Variants in MEI4 observed in about 807,000 individuals in gnomAD.
MEI4 encodes the protein meiosis-specific protein MEI4.
Under a neutral mutation model 31.4 loss-of-function variants are expected in MEI4, and 27 were observed. The observed-to-expected ratio is 0.86, with a 90% CI of 0.63 to 1.19. The LOEUF (loss-of-function observed/expected upper bound fraction) is 1.19. Ranked by LOEUF, MEI4 falls within the 50% of genes most tolerant of loss-of-function variation. The pLI is 0.00. For synonymous variants in MEI4, 122 were observed against 145.4 expected (o/e 0.84, Z 1.16); for missense variants, 329 against 398.9 (o/e 0.82, Z 1.49).
chr6:77,753,252 G>A (rs1767827088), intron 2 of MEI4, among the ~76,000 whole-genome samples: 2 of 152,138 alleles, frequency 1.3e-5, no homozygotes, highest in African/African-American at 2.4e-5. Context: ...ATAGACAAAT[G>A]GGATCTAATT....
Position 77,913,961 on chromosome 6 carries a change from G to A in MEI4, c.901-9128G>A, listed in dbSNP as rs542143659. On this transcript the variant is annotated intron_variant, in intron 4 of 4. Transcript: ENST00000684080. ...AGGCAGGAGAATGGCGTGAATCCAG[G>A]AGGTGGAGCTTGCAGTGAGCCAAGA... 2.6e-5 allele frequency among the ~76,000 whole-genome samples: 4 copies of A among 151,118 alleles called. No individual in the cohort carries two copies. The South Asian group carries it at 8.4e-4, about 32-fold the overall frequency.
intron 4 of MEI4, among the ~76,000 whole-genome samples, chr6:77,864,909 G>A (rs1290308675): frequency 3.3e-5 from 5 of 151,876 alleles, no homozygotes; most frequent in East Asian, 1.9e-4. Context: ...ATCAAACTAG[G>A]ACTCAGGATT....
intron 4 of MEI4, among the ~76,000 whole-genome samples, chr6:77,919,919 G>A (rs201526558): frequency 2.0e-5 from 3 of 148,980 alleles, no homozygotes; most frequent in East Asian, 2.1e-4. Flanking sequence ...TAAATTCCTC[G>A]ACACATACAC....
intron 3 of MEI4, among the ~76,000 whole-genome samples, chr6:77,779,371 T>C (rs1263706703): frequency 1.3e-5 from 2 of 152,214 alleles, no homozygotes; most frequent in Non-Finnish European, 2.9e-5. Context: ...AATATGTAAC[T>C]GTGATAACCA....
chr6:77,919,842 A>T (rs1462552572), intron 4 of MEI4, among the ~76,000 whole-genome samples: 1 of 150,108 alleles, frequency 6.7e-6, no homozygotes, highest in Non-Finnish European at 1.5e-5. Context: ...ACAGAAATAC[A>T]AACTACCATC....
chr6:77,730,961 C>T (rs1214247484), intron 2 of MEI4, among the ~76,000 whole-genome samples: 1 of 151,740 alleles, frequency 6.6e-6, no homozygotes, highest in East Asian at 1.9e-4. Context: ...ATGAACCCAT[C>T]ATTTTTTATG....
At chr6:77,736,530 TG>T (rs1767238484) in intron 2 of MEI4, among the ~76,000 whole-genome samples, 1 of 152,074 alleles carries the variant, frequency 6.6e-6, no homozygotes, top group African/African-American at 2.4e-5. Flanking sequence ...CTGCGCCCAC[TG>T]TCTGGCACTC....
intron 1 of MEI4, among the ~76,000 whole-genome samples, chr6:77,676,708 G>A (rs949601204): frequency 9.9e-5 from 15 of 152,096 alleles, no homozygotes; most frequent in Admixed American, 9.2e-4. Context: ...GGGGAAGCCT[G>A]GCGGTTAGGA....
chr6:77,868,822 G>A (rs182511642), intron 4 of MEI4, among the ~76,000 whole-genome samples: 29 of 151,846 alleles, frequency 1.9e-4, no homozygotes, highest in African/African-American at 5.8e-4. Flanking sequence ...ACCTTTACTC[G>A]TGATCCTGTG....
At position 77,863,249 on chromosome 6, in the gene MEI4, G is replaced by C. The variant is rs140241911; in HGVS notation, c.900+34187G>C. Among the ~76,000 whole-genome samples, 496 of 152,312 alleles carry C rather than the reference G, an allele frequency of 3.3e-3. 2 individuals are homozygous for C. The highest frequency in any genetic ancestry group is 0.012 in the African/African-American group (485 of 41,572). On this transcript the variant is annotated intron_variant, in intron 4 of 4. Coordinates refer to ENST00000684080, the MANE Select transcript of MEI4 (RefSeq NM_001322247.2). ...GCTGGATAGAGAATGACTTTGATGA[G>C]TTTAGAGAAGAAGGCTTCAGATGAT...
intron 4 of MEI4, among the ~76,000 whole-genome samples, chr6:77,901,261 G>C (rs1016065331): frequency 6.6e-6 from 1 of 151,906 alleles, no homozygotes; most frequent in East Asian, 1.9e-4. Flanking sequence ...TCATAGGCTA[G>C]CAACATTTTT....
intron 4 of MEI4, among the ~76,000 whole-genome samples, chr6:77,831,507 T>TTATATA (rs71546073): frequency 2.3e-4 from 34 of 147,468 alleles, no homozygotes; most frequent in African/African-American, 8.2e-4. Flanking sequence ...AAAGATAATT[T>TTATATA]TATATATATA....
intron 4 of MEI4, among the ~76,000 whole-genome samples, chr6:77,913,860 C>G (rs138852954): frequency 2.0e-5 from 3 of 151,054 alleles, no homozygotes; most frequent in Admixed American, 1.3e-4. Context: ...AGTGAAACCC[C>G]GTCTCTACTA....
chr6:77,885,621 A>T (rs917126508), intron 4 of MEI4, among the ~76,000 whole-genome samples: 1 of 152,096 alleles, frequency 6.6e-6, no homozygotes, highest in African/African-American at 2.4e-5. Flanking sequence ...GCAAAGAGGG[A>T]TAATTTAACT....
intron 4 of MEI4, among the ~76,000 whole-genome samples, chr6:77,833,903 GTGT>G (rs1431255301): frequency 6.6e-6 from 1 of 152,100 alleles, no homozygotes; most frequent in Non-Finnish European, 1.5e-5. Flanking sequence ...TTCTGTTCCT[GTGT>G]TGGTTTGCTG....
intron 4 of MEI4, among the ~76,000 whole-genome samples, chr6:77,921,598 G>T (rs1056545514): frequency 6.6e-6 from 1 of 151,804 alleles, no homozygotes; most frequent in Non-Finnish European, 1.5e-5. Context: ...GCCTGTCTCA[G>T]ATTTTGACAT....
chr6:77,811,006 G>T (rs2127704844), intron 3 of MEI4, among the ~76,000 whole-genome samples: 1 of 152,184 alleles, frequency 6.6e-6, no homozygotes, highest in East Asian at 1.9e-4. Context: ...GGATATTCAA[G>T]ATTATTTAAT....
intron 4 of MEI4, among the ~76,000 whole-genome samples, chr6:77,831,899 A>G (rs766282107): frequency 2.0e-4 from 30 of 152,214 alleles, no homozygotes; most frequent in Middle Eastern, 3.4e-3. Context: ...TTATATTTCA[A>G]AATAGCTAGA....
chr6:77,919,833 C>T (rs1434974930), intron 4 of MEI4, among the ~76,000 whole-genome samples: 4 of 149,674 alleles, frequency 2.7e-5, no homozygotes, highest in Non-Finnish European at 4.5e-5. Flanking sequence ...ACCGATCCCA[C>T]AGAAATACAA....
Sources: gnomAD v4.1 joint callset for allele counts (sites outside exome capture counted in the v4.1 genomes callset) on GRCh38, gnomAD v4.1.1 for gene constraint, MANE v1.5 for transcripts, NCBI Gene and HGNC (gene_info 2026-07-23, HGNC 2026-07-21) for gene names.